The following RSPO3 variants were observed in gnomAD, a reference collection of about 807,000 sequenced individuals.
RSPO3 encodes the protein R-spondin-3.
A neutral mutation model predicts 36.5 loss-of-function variants in RSPO3; 17 were observed. The ratio of observed to expected loss-of-function variants is 0.47; its 90% CI spans 0.32 to 0.70. The LOEUF (loss-of-function observed/expected upper bound fraction) is 0.70, where lower values mean the gene tolerates loss of function less well. Ranked by LOEUF, RSPO3 falls within the 30% of genes least tolerant of loss-of-function variation. The probability of loss-of-function intolerance (pLI) is 0.04; values close to 1 mark genes in which losing one functional copy is unlikely to be tolerated. For synonymous variants in RSPO3, 108 were observed against 107.0 expected (o/e 1.01, Z -0.06); for missense variants, 294 against 322.5 (o/e 0.91, Z 0.68).
chr6:127,168,573 C>A (rs553799854), intron 4 of RSPO3, among the ~76,000 whole-genome samples: 6 of 152,152 alleles, frequency 3.9e-5, no homozygotes, highest in African/African-American at 1.4e-4. Context: ...ATGGTAGTTT[C>A]TTTTGCTGTG....
chr6:127,136,964 C>T (rs542340672), intron 1 of RSPO3, among the ~76,000 whole-genome samples: 3 of 152,206 alleles, frequency 2.0e-5, no homozygotes, highest in Non-Finnish European at 2.9e-5. Flanking sequence ...AAGGAGATAC[C>T]GAAGCAAGAG....
chr6:127,159,653 T>TC (rs1774667042), intron 4 of RSPO3, among the ~76,000 whole-genome samples: 1 of 147,368 alleles, frequency 6.8e-6, no homozygotes, highest in Non-Finnish European at 1.5e-5. Flanking sequence ...CCTTTTTTTT[T>TC]TTTTTTTTTT....
In RSPO3 at chr6:127,150,614, G is replaced by A. The variant is rs1308721181; in HGVS notation, c.436+42G>A. ...ATAATTTGAGTAAGTGATAATGTCA[G>A]TCTCCATGGAGGTGCTTTTCAAAGT... On this transcript the variant is annotated intron_variant, in intron 3 of 4. Coordinates refer to ENST00000356698, the MANE Select transcript of RSPO3 (RefSeq NM_032784.5). 3.8e-6 allele frequency: 6 copies of A among 1,578,436 alleles called. No individual in the cohort carries two copies. In the Admixed American group the frequency reaches 9.0e-5, roughly 24 times the overall value.
chr6:127,123,392 C>T (rs945519308), intron 1 of RSPO3, among the ~76,000 whole-genome samples: 9 of 152,062 alleles, frequency 5.9e-5, no homozygotes, highest in Non-Finnish European at 1.0e-4. Flanking sequence ...GATACAGACA[C>T]GAATAGAATT....
Position 127,150,484 on chromosome 6 carries a change from T to C in RSPO3, c.348T>C (p.Ser116=). The C allele has an allele frequency of 2.5e-6, 4 of 1,612,452 alleles. No individual in the cohort carries two copies. Among genetic ancestry groups the C allele is most frequent in the African/African-American group, 1.3e-5 (1 of 74,884 alleles). The stretch of plus-strand genomic sequence containing the variant: ...AAAATTTCTGCACAAAATGTAAAAG[T>C]GGATTTTACTTACACCTTGGAAAGT... ...FNKNFCTKCK[S]GFYLHLGKCL... The change falls in exon 3 of 5, where the codon AGT becomes AGC. Residue 116 remains serine, a synonymous_variant. Coordinates refer to ENST00000356698, the MANE Select transcript of RSPO3 (RefSeq NM_032784.5).
intron 1 of RSPO3, among the ~76,000 whole-genome samples, chr6:127,132,393 CTAAGT>C (rs1373742259): frequency 6.6e-6 from 1 of 151,768 alleles, no homozygotes; most frequent in Non-Finnish European, 1.5e-5. Flanking sequence ...AAATATTATT[CTAAGT>C]TATCTCTATA....
intron 4 of RSPO3, among the ~76,000 whole-genome samples, chr6:127,192,403 GAAGT>G (rs1466622773): frequency 1.3e-5 from 2 of 152,200 alleles, no homozygotes; most frequent in Non-Finnish European, 2.9e-5. Context: ...AGTTTAGCAA[GAAGT>G]AAGGATTATT....
At chr6:127,124,641 A>T (rs1445162312) in intron 1 of RSPO3, among the ~76,000 whole-genome samples, 1 of 151,964 alleles carries the variant, frequency 6.6e-6, no homozygotes, top group Non-Finnish European at 1.5e-5. Flanking sequence ...TCAGGGTTTC[A>T]CATGATTGAA....
intron 2 of RSPO3, 77 bp from the exon 3 acceptor site, chr6:127,150,349 T>C: frequency 7.2e-7 from 1 of 1,381,738 alleles, no homozygotes; most frequent in Admixed American, 2.1e-5. Flanking sequence ...TGTGTGGCTG[T>C]GTCTGACACA....
At chr6:127,184,973 C>T (rs1261999985) in intron 4 of RSPO3, among the ~76,000 whole-genome samples, 1 of 151,750 alleles carries the variant, frequency 6.6e-6, no homozygotes, top group East Asian at 1.9e-4. Context: ...CATTTGTTCC[C>T]CAGGTCTATA....
At chr6:127,135,924 C>G (rs1774147147) in intron 1 of RSPO3, among the ~76,000 whole-genome samples, 1 of 104,148 alleles carries the variant, frequency 9.6e-6, no homozygotes, top group African/African-American at 3.8e-5. Context: ...GAGACCCTGC[C>G]TCAAAAAAAA....
chr6:127,139,394 G>A (rs1044913417), intron 1 of RSPO3, among the ~76,000 whole-genome samples: 2 of 152,084 alleles, frequency 1.3e-5, no homozygotes, highest in African/African-American at 4.8e-5. Flanking sequence ...TAACAAAGTG[G>A]AGTTTGTTTT....
intron 3 of RSPO3, among the ~76,000 whole-genome samples, chr6:127,152,451 A>G (rs1290537375): frequency 6.6e-6 from 1 of 152,146 alleles, no homozygotes; most frequent in African/African-American, 2.4e-5. Flanking sequence ...GGAATATTAA[A>G]GCCTGTTCCT....
intron 4 of RSPO3, among the ~76,000 whole-genome samples, chr6:127,185,326 A>T (rs558026183): frequency 6.6e-6 from 1 of 152,142 alleles, no homozygotes; most frequent in East Asian, 1.9e-4. Context: ...TAGGTGAAAT[A>T]CTCCCCTTAT....
At chr6:127,192,976 G>A (rs1223992761) in intron 4 of RSPO3, among the ~76,000 whole-genome samples, 4 of 152,054 alleles carry the variant, frequency 2.6e-5, no homozygotes, top group Admixed American at 2.6e-4. Context: ...AGCCACTCTT[G>A]TGTATTTCTA....
At chr6:127,147,233 C>A (rs1582794479) in intron 1 of RSPO3, among the ~76,000 whole-genome samples, 3 of 152,282 alleles carry the variant, frequency 2.0e-5, no homozygotes, top group Admixed American at 1.3e-4. Context: ...CCGTGCACCC[C>A]TGTGGTAAGG....
chr6:127,192,619 GT>G (rs1775434430), intron 4 of RSPO3: 2 of 982,120 alleles, frequency 2.0e-6, no homozygotes, highest in Admixed American at 6.2e-5. Flanking sequence ...TCTCTTTGAT[GT>G]TTTCTACCCA....
At chr6:127,185,983 C>G (rs963503780) in intron 4 of RSPO3, among the ~76,000 whole-genome samples, 1 of 152,196 alleles carries the variant, frequency 6.6e-6, no homozygotes, top group Admixed American at 6.5e-5. Flanking sequence ...AATTCTAAGA[C>G]AAGCTCTTAG....
At chr6:127,171,947 T>C (rs80337256) in intron 4 of RSPO3, among the ~76,000 whole-genome samples, 203 of 151,562 alleles carry the variant, frequency 1.3e-3, no homozygotes, top group African/African-American at 4.1e-3. Context: ...AAAATGTGTG[T>C]GTAGTATTAA....
Sources: allele counts gnomAD v4.1 joint callset (sites outside exome capture counted in the v4.1 genomes callset), GRCh38; gene constraint gnomAD v4.1.1; transcripts MANE v1.5; gene names NCBI Gene and HGNC (gene_info 2026-07-23, HGNC 2026-07-21).